PLD5: variants seen among roughly 807,000 people sequenced by gnomAD.
PLD5 encodes the protein phospholipase D family member 5.
PLD5 carries 36 observed loss-of-function variants against 61.1 expected under a neutral mutation model. That is an observed-to-expected ratio of 0.59 (90% CI 0.45 to 0.78). PLD5 has a LOEUF of 0.78. PLD5 is among the 30% of genes least tolerant of loss of function. The pLI is 0.00. For synonymous variants in PLD5, 243 were observed against 242.8 expected, an observed-to-expected ratio of 1.00 and a Z score of -0.01; for missense variants, 515 against 644.4, an observed-to-expected ratio of 0.80 and a Z score of 2.17.
At chr1:242,224,221 G>A (rs1461429579) in intron 4 of PLD5, among the ~76,000 whole-genome samples, 1 of 152,106 alleles carries the variant, frequency 6.6e-6, no homozygotes, top group Non-Finnish European at 1.5e-5. Context: ...AATTTTTCAT[G>A]CATTACACTT....
chr1:242,517,303 G>A (rs912643581), intron 1 of PLD5, among the ~76,000 whole-genome samples: 8 of 152,180 alleles, frequency 5.3e-5, no homozygotes, highest in South Asian at 2.1e-4. Context: ...TCAATAGTTC[G>A]CCATTAACTG....
chr1:242,083,026 G>GGAA lies in PLD5; in HGVS notation c.*6825_*6827dup, dbSNP rs1225293595. 1 of 150,872 alleles carries GGAA rather than the reference G, an allele frequency of 6.6e-6. No homozygotes were observed. Among genetic ancestry groups the GGAA allele is most frequent in the Non-Finnish European group, 1.5e-5 (1 of 67,726 alleles). The allele number at this position is 150,872 out of a possible 1,614,324, so 9.3% of individuals were successfully genotyped here. A position where few individuals can be genotyped will look rare whatever the true frequency, so the allele number is the denominator to read the frequency against. On this transcript the variant is annotated 3_prime_UTR_variant, in exon 10 of 10. Transcript: ENST00000536534. ...TTTATTTATGTCAATACATAAGAAA[G>GGAA]GAAGAAAAAAAAAAAGCAACCCAGG...
chr1:242,519,305 C>T (rs1268067703), intron 1 of PLD5, among the ~76,000 whole-genome samples: 1 of 152,186 alleles, frequency 6.6e-6, no homozygotes, highest in Non-Finnish European at 1.5e-5. Flanking sequence ...CTCATGTAAA[C>T]AATTTATTCC....
At chr1:242,264,715 A>T in intron 4 of PLD5, among the ~76,000 whole-genome samples, 1 of 152,108 alleles carries the variant, frequency 6.6e-6, no homozygotes, top group Non-Finnish European at 1.5e-5. Context: ...TGGATAATAA[A>T]TTCCAGGGAA....
At chr1:242,246,608 T>C (rs1304556941) in intron 4 of PLD5, among the ~76,000 whole-genome samples, 1 of 152,142 alleles carries the variant, frequency 6.6e-6, no homozygotes, top group South Asian at 2.1e-4. Context: ...AGATTATCTT[T>C]GAATAAAAAT....
At chr1:242,174,502 G>A (rs1666985491) in intron 5 of PLD5, among the ~76,000 whole-genome samples, 1 of 152,012 alleles carries the variant, frequency 6.6e-6, no homozygotes, top group African/African-American at 2.4e-5. Flanking sequence ...GATTCCTCAG[G>A]GATCTAGAAC....
Position 242,418,610 on chromosome 1 carries a change from C to T in PLD5, c.190-70368G>A, listed in dbSNP as rs1299843039. Among the ~76,000 whole-genome samples, 7 of 152,138 alleles carry T rather than the reference C, an allele frequency of 4.6e-5. No individual in the cohort carries two copies. In the East Asian group the frequency reaches 1.2e-3, roughly 25 times the overall value. On this transcript the variant is annotated intron_variant, in intron 1 of 9. Transcript: ENST00000536534. ...GGAAACTCCGCAAAAAAAAGTGCTT[C>T]TGGGAAGAGGGGCTGACCTAGTGTA... is the stretch of plus-strand genomic sequence containing the variant.
intron 2 of PLD5, among the ~76,000 whole-genome samples, chr1:242,298,366 A>G (rs1675835377): frequency 6.6e-6 from 1 of 152,250 alleles, no homozygotes; most frequent in Admixed American, 6.5e-5. Flanking sequence ...ACTTCTGCAG[A>G]TATTATTACA....
chr1:242,226,626 C>A (rs1670960345), intron 4 of PLD5, among the ~76,000 whole-genome samples: 1 of 152,104 alleles, frequency 6.6e-6, no homozygotes, highest in African/African-American at 2.4e-5. Context: ...AAAATCAGGT[C>A]CCAGTTGGTC....
intron 2 of PLD5, among the ~76,000 whole-genome samples, chr1:242,306,215 A>G (rs116254953): frequency 0.06 from 9,107 of 151,466 alleles, 324 homozygotes; most frequent in Middle Eastern, 0.1. Flanking sequence ...AACCTTGGTC[A>G]GTCAGGGCTG....
chr1:242,470,696 T>C (rs1667425051), intron 1 of PLD5, among the ~76,000 whole-genome samples: 1 of 152,238 alleles, frequency 6.6e-6, no homozygotes, highest in African/African-American at 2.4e-5. Flanking sequence ...ATGTAATTGA[T>C]ATACTGGCTC....
intron 1 of PLD5, among the ~76,000 whole-genome samples, chr1:242,384,124 T>A (rs1053400758): frequency 6.6e-6 from 1 of 152,262 alleles, no homozygotes; most frequent in East Asian, 1.9e-4. Context: ...GTTATCTTTA[T>A]AATCTTCTCA....
intron 4 of PLD5, among the ~76,000 whole-genome samples, chr1:242,251,129 T>C (rs2149081670): frequency 6.6e-6 from 1 of 152,290 alleles, no homozygotes; most frequent in South Asian, 2.1e-4. Context: ...ATTCCGTGAA[T>C]ATCCAAGAGG....
rs558805781 is a variant in PLD5 at position 242,402,724 on chromosome 1, T to C, written c.190-54482A>G. On this transcript the variant is annotated intron_variant, in intron 1 of 9. Transcript: ENST00000536534. Reference sequence around the variant, plus strand: ...TCCAAATGCATTTTTCCTTCTAACATGAAGGTGCTCAAAGGAAGTTTATCT... The same window carrying C: ...TCCAAATGCATTTTTCCTTCTAACACGAAGGTGCTCAAAGGAAGTTTATCT... 5.3e-5 allele frequency among the ~76,000 whole-genome samples: 8 copies of C among 152,304 alleles called. No homozygotes were observed. The South Asian group carries it at 8.3e-4, about 16-fold the overall frequency.
chr1:242,216,838 G>T (rs1278319963), intron 5 of PLD5, among the ~76,000 whole-genome samples: 1 of 152,224 alleles, frequency 6.6e-6, no homozygotes, highest in Non-Finnish European at 1.5e-5. Flanking sequence ...TAGCTTCAAA[G>T]TTTCATAGGA....
chr1:242,183,888 C>CTGT (rs1667698520), intron 5 of PLD5, among the ~76,000 whole-genome samples: 4 of 151,788 alleles, frequency 2.6e-5, no homozygotes, highest in African/African-American at 9.7e-5. Flanking sequence ...GAGCGAGACT[C>CTGT]CGTCTCAAAA....
chr1:242,151,264 A>G (rs1574400797), intron 5 of PLD5, among the ~76,000 whole-genome samples: 2 of 151,962 alleles, frequency 1.3e-5, no homozygotes, highest in Non-Finnish European at 2.9e-5. Context: ...TTAACATTCA[A>G]GCTTCTTTCT....
At chr1:242,295,993 ACAGCTCTGC>A (rs2149150015) in intron 2 of PLD5, among the ~76,000 whole-genome samples, 1 of 152,350 alleles carries the variant, frequency 6.6e-6, no homozygotes, top group South Asian at 2.1e-4. Context: ...TAGACAAAAC[ACAGCTCTGC>A]CAGTTATGAG....
At chr1:242,409,786 A>G (rs548392077) in intron 1 of PLD5, among the ~76,000 whole-genome samples, 1 of 152,176 alleles carries the variant, frequency 6.6e-6, no homozygotes, top group South Asian at 2.1e-4. Flanking sequence ...TTAATATGTA[A>G]AGGAAGGCCG....
Sources: allele counts gnomAD v4.1 joint callset (sites outside exome capture counted in the v4.1 genomes callset), GRCh38; gene constraint gnomAD v4.1.1; transcripts MANE v1.5; gene names NCBI Gene and HGNC (gene_info 2026-07-23, HGNC 2026-07-21).